POLR2F: variants seen among roughly 807,000 people sequenced by gnomAD.
The protein encoded by POLR2F is RNA polymerase II, I and III subunit F.
POLR2F carries 12 observed loss-of-function variants against 22.7 expected under a neutral mutation model. The observed-to-expected ratio is 0.53, with a 90% confidence interval of 0.34 to 0.86. The LOEUF is 0.86. Ranked by LOEUF, POLR2F falls within the 40% of genes least tolerant of loss-of-function variation. The pLI is 0.02. For missense variants in POLR2F, 126 were observed against 171.5 expected (o/e 0.73, Z 1.48); for synonymous variants, 57 against 66.0 (o/e 0.86, Z 0.66).
chr22:37,971,129 G>A (rs1932038201), downstream of POLR2F: 1 of 427,370 alleles, frequency 2.3e-6, no homozygotes, highest in Middle Eastern at 5.0e-4. Context: ...TGCCCAGTCT[G>A]GAGCAGTGGA....
At chr22:37,981,247 T>C (rs1277142309), upstream of POLR2F, among the ~76,000 whole-genome samples, 8 of 151,610 alleles carry the variant, frequency 5.3e-5, no homozygotes, top group Non-Finnish European at 8.8e-5. Context: ...CTTGGGGAGG[T>C]TTCAGGAGAA....
rs1488585954 is a variant in POLR2F at position 37,986,540 on chromosome 22, G to A, written c.120+228G>A. 2 of 1,057,634 alleles carry A rather than the reference G, an allele frequency of 1.9e-6. No homozygotes were observed. Among genetic ancestry groups the A allele is most frequent in the East Asian group, 5.2e-5 (2 of 38,684 alleles). 65.5% of individuals were successfully genotyped at this position (1,057,634 alleles called of 1,614,324 possible). A position where few individuals can be genotyped will look rare whatever the true frequency, so the allele number is the denominator to read the frequency against. ...TCCTTGGTCCAGCTGTGCCAGGATG[G>A]GGGTGGGGGTAGCAGTGGGCACGCT... On this transcript the variant is annotated intron_variant, in intron 1 of 2. Coordinates refer to the POLR2F transcript ENST00000333418. This position sits in a 1 kb window ranked among gnomAD's most constrained non-coding sequence, Gnocchi z 4.7.
At chr22:37,962,244 A>G (rs924528791) in intron 3 of POLR2F, among the ~76,000 whole-genome samples, 1 of 151,696 alleles carries the variant, frequency 6.6e-6, no homozygotes, top group Non-Finnish European at 1.5e-5. Context: ...ACAAACAAAC[A>G]AACAAAAAAA....
rs898581143 is a variant in POLR2F, at chr22:37,980,407, G to C, written c.293+13237G>C. On this transcript the variant is annotated intron_variant, in intron 4 of 4. Transcript: ENST00000405557. The surrounding 1 kb of genome is among the most constrained non-coding windows in gnomAD (Gnocchi z 4.1). ...AGCCAGCATCAGCAAGAAAGTGACA[G>C]GGGCCAGAAGAGAGAGAGGATTCCA... Among the ~76,000 whole-genome samples the C allele has an allele frequency of 6.6e-6, 1 of 152,128 alleles. No homozygotes were observed. The highest frequency in any genetic ancestry group is 6.5e-5 in the Admixed American group (1 of 15,270).
chr22:37,976,126 G>A (rs1402943033), intron 4 of POLR2F, among the ~76,000 whole-genome samples: 1 of 152,150 alleles, frequency 6.6e-6, no homozygotes, highest in Non-Finnish European at 1.5e-5. Flanking sequence ...AGGAGGCTGA[G>A]GCACAAGAAT....
chr22:38,006,242 C>T (rs2084820211), intron 1 of POLR2F, among the ~76,000 whole-genome samples: 2 of 152,144 alleles, frequency 1.3e-5, no homozygotes, highest in African/African-American at 4.8e-5. Context: ...TTGCTCTTCA[C>T]TCCATTGAGC....
intron 1 of POLR2F, among the ~76,000 whole-genome samples, chr22:37,989,282 C>T (rs1342262773): frequency 6.6e-6 from 1 of 152,174 alleles, no homozygotes; most frequent in Non-Finnish European, 1.5e-5. Flanking sequence ...AATACACACA[C>T]ACATCTCCCC....
intron 3 of POLR2F, among the ~76,000 whole-genome samples, chr22:37,960,620 C>A (rs1359546529): frequency 2.0e-5 from 3 of 151,904 alleles, no homozygotes; most frequent in Non-Finnish European, 4.4e-5. Context: ...GGTGGTTGGT[C>A]TCTTTCTCCT....
chr22:37,969,236 C>A lies in POLR2F; in HGVS notation c.*1521C>A. On this transcript the variant is annotated 3_prime_UTR_variant, in exon 5 of 5. Coordinates refer to ENST00000442738, the MANE Select transcript of POLR2F (RefSeq NM_021974.5). ...CCTGTCTTCCTCTTCCCATTCTCCT[C>A]TTTTGGGGAGTCCCCTGCTATTCAG... 3.0e-6 allele frequency: 3 copies of A among 985,260 alleles called. No homozygotes were observed. Among genetic ancestry groups the A allele is most frequent in the Non-Finnish European group, 3.6e-6 (3 of 829,802 alleles). The allele number at this position is 985,260 out of a possible 1,614,324, so 61.0% of individuals were successfully genotyped here.
intron 1 of POLR2F, among the ~76,000 whole-genome samples, chr22:38,021,559 T>A (rs1165060396): frequency 6.6e-6 from 1 of 152,102 alleles, no homozygotes; most frequent in Non-Finnish European, 1.5e-5. Context: ...CAGGCTCAGG[T>A]GATGCTCTCA....
chr22:38,028,542 G>C (rs989076397), downstream of POLR2F, among the ~76,000 whole-genome samples: 3 of 151,902 alleles, frequency 2.0e-5, no homozygotes, highest in Non-Finnish European at 4.4e-5. Flanking sequence ...GTGCGCATAC[G>C]TGTGTGCATG....
At chr22:38,028,500 G>A (rs1252868019), downstream of POLR2F, among the ~76,000 whole-genome samples, 1 of 152,044 alleles carries the variant, frequency 6.6e-6, no homozygotes, top group Non-Finnish European at 1.5e-5. Flanking sequence ...GTGTGTGTGT[G>A]TGCGTGTGCG....
chr22:37,983,545 G>C (rs1276840509), upstream of POLR2F: 6 of 1,610,520 alleles, frequency 3.7e-6, no homozygotes, highest in Admixed American at 3.3e-5. This position sits in a 1 kb window ranked among gnomAD's most constrained non-coding sequence, Gnocchi z 9.5. Context: ...CGTAGCCGCT[G>C]AGCACCTGGC....
chr22:37,963,369 G>A (rs531697343), intron 3 of POLR2F, among the ~76,000 whole-genome samples: 7 of 152,286 alleles, frequency 4.6e-5, no homozygotes, highest in Admixed American at 3.3e-4. Context: ...GCTCACTGCA[G>A]CCTCAAAACT....
intron 4 of POLR2F, among the ~76,000 whole-genome samples, chr22:37,976,021 G>C: frequency 6.6e-6 from 1 of 151,980 alleles, no homozygotes; most frequent in East Asian, 1.9e-4. Flanking sequence ...TCAGGAATTC[G>C]AGACCAGCCT....
In POLR2F at chr22:37,967,102, G is replaced by A. The variant is rs766299944; in HGVS notation, c.225G>A (p.Met75Ile). 6.2e-7 allele frequency: 1 copy of A among 1,611,596 alleles called. No homozygotes were observed. Among genetic ancestry groups the A allele is most frequent in the Non-Finnish European group, 8.5e-7 (1 of 1,178,148 alleles). Residue 75 changes from methionine (M) to isoleucine (I), a missense_variant, in exon 4 of 5, where the codon ATG becomes ATA. Transcript: ENST00000442738. ...VLGTRALQIA[M>I]CAPVMVELEG... is the part of the protein sequence containing the mutation. ...ACACCTGTCCCTATCCCTACAGGAT[G>A]TGTGCCCCTGTGATGGTGGAGCTGG...
chr22:38,021,503 T>C (rs1883471), intron 1 of POLR2F, among the ~76,000 whole-genome samples: 98,015 of 152,046 alleles, frequency 0.64, 32,614 homozygotes, highest in African/African-American at 0.82. Flanking sequence ...TGAGCCCAGG[T>C]TGGAGTACAG....
upstream of POLR2F, chr22:37,984,453 G>C (rs1293101113): frequency 6.5e-6 from 1 of 152,862 alleles, no homozygotes; most frequent in East Asian, 1.9e-4. This position sits in a 1 kb window ranked among gnomAD's most constrained non-coding sequence, Gnocchi z 4.4. Flanking sequence ...TGGGAGGGAG[G>C]GGCGGGGGGC....
At chr22:38,006,767 C>G (rs1445498107) in intron 1 of POLR2F, among the ~76,000 whole-genome samples, 1 of 152,216 alleles carries the variant, frequency 6.6e-6, no homozygotes, top group Non-Finnish European at 1.5e-5. Context: ...CCAGCTCTGT[C>G]ACCTCTGTTT....
Sources: allele counts gnomAD v4.1 joint callset (sites outside exome capture counted in the v4.1 genomes callset), GRCh38; gene constraint gnomAD v4.1.1; non-coding constraint Gnocchi (gnomAD v3.1); transcripts MANE v1.5; gene names NCBI Gene and HGNC (gene_info 2026-07-23, HGNC 2026-07-21).